TKTL1: variants seen among roughly 807,000 people sequenced by gnomAD.
The protein encoded by TKTL1 is transketolase like 1.
In TKTL1, 1 loss-of-function variant was observed where a neutral mutation model predicts 39.3. The observed-to-expected ratio is 0.03, with a 90% confidence interval of 0.01 to 0.12. TKTL1 has a LOEUF of 0.12. Ranked by LOEUF, TKTL1 falls within the 10% of genes least tolerant of loss-of-function variation. TKTL1 has a pLI of 1.00. For synonymous variants in TKTL1, 262 were observed against 193.8 expected (o/e 1.35, Z -2.92); for missense variants, 575 against 509.6 (o/e 1.13, Z -1.24).
At chrX:154,320,047 C>A (rs147074487) in intron 7 of TKTL1, among the ~76,000 whole-genome samples, 3 of 112,354 alleles carry the variant, frequency 2.7e-5, no homozygotes, top group African/African-American at 9.7e-5. Context: ...TGAGGACTTG[C>A]CCCAGCAGCG....
Position 154,295,900 on chromosome X carries a change from C to A in TKTL1, c.41C>A (p.Ala14Asp), listed in dbSNP as rs782185508. ...AEARAEFPEE[A>D]RPDRGTLQVL... The stretch of plus-strand genomic sequence containing the variant: ...GCGAGGGCTGAGTTCCCGGAGGAGG[C>A]CAGACCTGACAGGGGCACCTTGCAG... Residue 14 changes from alanine to aspartate, a missense_variant, in exon 1 of 13, where the codon GCC (alanine) becomes GAC (aspartate). Coordinates refer to ENST00000369915, the MANE Select transcript of TKTL1 (RefSeq NM_012253.4). The A allele has an allele frequency of 4.1e-6, 5 of 1,211,815 alleles. No individual in the cohort carries two copies. The East Asian group carries it at 1.5e-4, about 36-fold the overall frequency.
intron 1 of TKTL1, 69 bp from the exon 2 acceptor site, chrX:154,305,235 A>G (rs17281251): frequency 0.011 from 13,165 of 1,186,753 alleles, 91 homozygotes; most frequent in Non-Finnish European, 0.013. Context: ...TGAGGAGACC[A>G]TGTGCCGAGG....
intron 7 of TKTL1, among the ~76,000 whole-genome samples, chrX:154,319,710 G>A (rs2067433403): frequency 9.5e-6 from 1 of 105,248 alleles, no homozygotes; most frequent in Admixed American, 1.0e-4. Context: ...GTGCACCCCA[G>A]CCTGGGCAAC....
intron 2 of TKTL1, among the ~76,000 whole-genome samples, chrX:154,309,056 C>T (rs781927802): frequency 7.2e-5 from 8 of 111,124 alleles, no homozygotes; most frequent in African/African-American, 9.8e-5. Flanking sequence ...GTATGGATTA[C>T]CTATGACTCC....
At chrX:154,300,055 G>A (rs1415096082) in intron 1 of TKTL1, among the ~76,000 whole-genome samples, 1 of 96,597 alleles carries the variant, frequency 1.0e-5, no homozygotes, top group Non-Finnish European at 2.0e-5. Context: ...TTGCTCTGTC[G>A]CCCAGGCTGG....
intron 7 of TKTL1, among the ~76,000 whole-genome samples, chrX:154,320,152 C>T (rs886181051): frequency 8.9e-6 from 1 of 112,255 alleles, no homozygotes; most frequent in African/African-American, 3.2e-5. Context: ...CACAGGCCAC[C>T]CAAGGTCAGG....
intron 10 of TKTL1, 79 bp downstream of exon 10, chrX:154,325,501 T>C (rs1557171760): frequency 1.1e-6 from 1 of 886,658 alleles, no homozygotes; most frequent in African/African-American, 2.0e-5. Context: ...ACCAGCTATC[T>C]TCAGAGTTGA....
In TKTL1 at chrX:154,319,027, T is replaced by C. The variant is rs1557170065; in HGVS notation, c.1030-1730T>C. Among the ~76,000 whole-genome samples, 3 of 111,534 alleles carry C rather than the reference T, an allele frequency of 2.7e-5. No individual in the cohort carries two copies. The South Asian group carries it at 1.1e-3, about 41-fold the overall frequency. On this transcript the variant is annotated intron_variant, in intron 7 of 12. Coordinates refer to ENST00000369915, the MANE Select transcript of TKTL1 (RefSeq NM_012253.4). ...GACTGAGATAGAATTTTGATTATTATTAGCTGGTATGTTAGTGGATGAGTA... is the reference window on the plus strand; with the variant it reads ...GACTGAGATAGAATTTTGATTATTACTAGCTGGTATGTTAGTGGATGAGTA...
chrX:154,320,594 C>A (rs1440181707), intron 7 of TKTL1, 163 bp from the exon 8 acceptor site: 19 of 529,816 alleles, frequency 3.6e-5, no homozygotes, highest in Non-Finnish European at 6.1e-5. Flanking sequence ...GAGGGACGGA[C>A]GGGTGCCCAG....
Position 154,312,777 on chromosome X carries a change from G to T in TKTL1, c.864+4G>T, listed in dbSNP as rs782791514. 2 of 1,196,344 alleles carry T rather than the reference G, an allele frequency of 1.7e-6. No individual in the cohort carries two copies. The highest frequency in any genetic ancestry group is 5.9e-5 in the East Asian group (2 of 33,672). The stretch of plus-strand genomic sequence containing the variant: ...TGATTACAGAGTTGGTGACAAGGTA[G>T]GCAGAAAGGTGGATAATTGAATAAA... On this transcript the variant is annotated splice_donor_region_variant and intron_variant, in intron 6 of 12. Coordinates refer to ENST00000369915, the MANE Select transcript of TKTL1 (RefSeq NM_012253.4).
Position 154,295,831 on chromosome X carries a change from G to T in TKTL1, c.-29G>T, listed in dbSNP as rs200075389. On this transcript the variant is annotated 5_prime_UTR_variant, in exon 1 of 13. Coordinates refer to ENST00000369915, the MANE Select transcript of TKTL1 (RefSeq NM_012253.4). The stretch of plus-strand genomic sequence containing the variant: ...TTCAGACGCCGGAGACGTAGGAGTG[G>T]GTCTTCAGACTCCAAAGGGGTTGGA... The T allele has an allele frequency of 3.3e-6, 4 of 1,202,065 alleles. No homozygotes were observed. The highest frequency in any genetic ancestry group is 1.8e-5 in the African/African-American group (1 of 56,969).
At position 154,305,945 on chromosome X, in the gene TKTL1, G is replaced by A. The variant is rs949621350; in HGVS notation, c.252+524G>A. Among the ~76,000 whole-genome samples, 3 of 111,569 alleles carry A rather than the reference G, an allele frequency of 2.7e-5. No individual in the cohort carries two copies. The East Asian group carries it at 8.4e-4, about 31-fold the overall frequency. ...GAAAGAAAAAGAACCTTAAAAACAA[G>A]GTCAGTTTGAGAATGTGTGGCTGGT... On this transcript the variant is annotated intron_variant, in intron 2 of 12. Coordinates refer to ENST00000369915, the MANE Select transcript of TKTL1 (RefSeq NM_012253.4).
chrX:154,313,887 T>C (rs1403521820), intron 6 of TKTL1, among the ~76,000 whole-genome samples: 1 of 108,238 alleles, frequency 9.2e-6, no homozygotes, highest in Non-Finnish European at 1.9e-5. Context: ...TGAGCTATGA[T>C]TGGGCCACTG....
intron 1 of TKTL1, among the ~76,000 whole-genome samples, chrX:154,297,055 C>T (rs188021512): frequency 7.1e-4 from 79 of 111,317 alleles, no homozygotes; most frequent in African/African-American, 2.4e-3. Flanking sequence ...TACGTGGGGC[C>T]TGAGGAGGGA....
At chrX:154,312,241 C>T (rs1259576752) in intron 5 of TKTL1, among the ~76,000 whole-genome samples, 5 of 112,536 alleles carry the variant, frequency 4.4e-5, no homozygotes, top group African/African-American at 1.6e-4. Flanking sequence ...TAGCTAGGTG[C>T]AATGGCTTGC....
At chrX:154,314,685 C>T (rs1252545939) in intron 6 of TKTL1, among the ~76,000 whole-genome samples, 1 of 110,923 alleles carries the variant, frequency 9.0e-6, no homozygotes. Flanking sequence ...CCATCATGCC[C>T]AGCTAATTTT....
chrX:154,312,957 A>G (rs991067062), intron 6 of TKTL1, among the ~76,000 whole-genome samples, 184 bp downstream of exon 6: 1 of 111,845 alleles, frequency 8.9e-6, no homozygotes, highest in Non-Finnish European at 1.9e-5. Context: ...TAAAAAATAC[A>G]TTTAGGGGTC....
intron 1 of TKTL1, among the ~76,000 whole-genome samples, chrX:154,296,230 C>T (rs374866772): frequency 7.2e-5 from 8 of 111,259 alleles, no homozygotes; most frequent in East Asian, 2.8e-4. Flanking sequence ...TTCTGGAGCC[C>T]GCCCCTCAAT....
At chrX:154,297,252 GTTTT>G (rs1178551145) in intron 1 of TKTL1, among the ~76,000 whole-genome samples, 2 of 105,787 alleles carry the variant, frequency 1.9e-5, no homozygotes, top group East Asian at 3.1e-4. Context: ...GGTTTTTTTT[GTTTT>G]TTTTTTCTTT....
Sources: gnomAD v4.1 joint callset for allele counts (sites outside exome capture counted in the v4.1 genomes callset) on GRCh38, gnomAD v4.1.1 for gene constraint, MANE v1.5 for transcripts, NCBI Gene and HGNC (gene_info 2026-07-23, HGNC 2026-07-21) for gene names.